The following EBF1 variants were observed in gnomAD, a reference collection of about 807,000 sequenced individuals.
EBF1 encodes the protein transcription factor COE1.
In EBF1, 10 loss-of-function variants were observed where a neutral mutation model predicts 68.4. That is an observed-to-expected ratio of 0.15 (90% confidence interval 0.09 to 0.25). The LOEUF is 0.25. Ranked by LOEUF, EBF1 falls within the 10% of genes least tolerant of loss-of-function variation. The pLI is 1.00. For missense variants in EBF1, 509 were observed against 794.4 expected (o/e 0.64, Z 4.32); for synonymous variants, 298 against 299.8 (o/e 0.99, Z 0.06).
intron 11 of EBF1, among the ~76,000 whole-genome samples, 186 bp downstream of exon 11, chr5:158,730,883 T>TGCC (rs1763956723): frequency 6.6e-6 from 1 of 152,224 alleles, no homozygotes; most frequent in African/African-American, 2.4e-5. Flanking sequence ...GATATAAAAG[T>TGCC]AAGCACAGTG....
At chr5:158,988,472 T>G (rs775718427) in intron 6 of EBF1, among the ~76,000 whole-genome samples, 2 of 152,126 alleles carry the variant, frequency 1.3e-5, no homozygotes, top group Non-Finnish European at 2.9e-5. Context: ...TCCCAACACC[T>G]CCTTATTCAA....
intron 6 of EBF1, among the ~76,000 whole-genome samples, chr5:159,070,193 G>C (rs982261027): frequency 1.2e-4 from 19 of 152,090 alleles, no homozygotes; most frequent in African/African-American, 4.6e-4. Flanking sequence ...GTGCAGGCTG[G>C]GTTATGTGCT....
chr5:158,773,470 T>C (rs993948779), intron 10 of EBF1, among the ~76,000 whole-genome samples: 1 of 152,144 alleles, frequency 6.6e-6, no homozygotes, highest in African/African-American at 2.4e-5. Context: ...ATCTGATAAG[T>C]GACCTAACCA....
At chr5:158,916,647 C>G (rs1160754241) in intron 6 of EBF1, among the ~76,000 whole-genome samples, 2 of 152,162 alleles carry the variant, frequency 1.3e-5, no homozygotes. Flanking sequence ...GAACCCAGGT[C>G]TCTCTATCTC....
chr5:158,898,936 A>G (rs1426175935), intron 6 of EBF1, among the ~76,000 whole-genome samples: 1 of 152,212 alleles, frequency 6.6e-6, no homozygotes, highest in African/African-American at 2.4e-5. Flanking sequence ...CAACCTGCTT[A>G]CAAAGAGCAG....
At chr5:159,023,129 A>G (rs1767036676) in intron 6 of EBF1, among the ~76,000 whole-genome samples, 1 of 152,122 alleles carries the variant, frequency 6.6e-6, no homozygotes, top group Non-Finnish European at 1.5e-5. Flanking sequence ...TCACTGCAGA[A>G]AACAGAACTC....
intron 6 of EBF1, among the ~76,000 whole-genome samples, chr5:159,059,127 C>A (rs1264482975): frequency 2.0e-5 from 3 of 152,262 alleles, no homozygotes; most frequent in South Asian, 2.1e-4. Flanking sequence ...CTGGCTAAAA[C>A]CATGTCTGGA....
At chr5:158,739,546 G>A (rs908655539) in intron 10 of EBF1, among the ~76,000 whole-genome samples, 7 of 151,778 alleles carry the variant, frequency 4.6e-5, no homozygotes, top group Admixed American at 1.3e-4. Context: ...TTTTAATTTG[G>A]ATCATTCACG....
At chr5:158,938,283 C>A (rs1033255650) in intron 6 of EBF1, among the ~76,000 whole-genome samples, 3 of 152,188 alleles carry the variant, frequency 2.0e-5, no homozygotes, top group Admixed American at 6.5e-5. Flanking sequence ...TGACATGAAC[C>A]CTAGTGCCTT....
intron 6 of EBF1, among the ~76,000 whole-genome samples, chr5:159,053,174 G>C (rs1382010397): frequency 2.0e-5 from 3 of 152,204 alleles, no homozygotes; most frequent in African/African-American, 7.2e-5. Context: ...TGGCATCCCA[G>C]CTCCACCACT....
intron 6 of EBF1, among the ~76,000 whole-genome samples, chr5:159,056,263 CAT>C (rs1461636185): frequency 6.6e-6 from 1 of 152,166 alleles, no homozygotes; most frequent in Admixed American, 6.5e-5. Context: ...TACATTCAGT[CAT>C]ATATTTCTGT....
chr5:158,751,620 G>A (rs1322240260), intron 10 of EBF1, among the ~76,000 whole-genome samples: 2 of 152,084 alleles, frequency 1.3e-5, no homozygotes, highest in Non-Finnish European at 2.9e-5. Context: ...TCTGGCAAAT[G>A]CTTAATCTAT....
At chr5:158,908,378 T>C (rs1392142873) in intron 6 of EBF1, among the ~76,000 whole-genome samples, 1 of 152,228 alleles carries the variant, frequency 6.6e-6, no homozygotes, top group East Asian at 1.9e-4. Flanking sequence ...TAACATGATA[T>C]CTTGGCTGAG....
intron 6 of EBF1, among the ~76,000 whole-genome samples, chr5:159,045,197 G>T (rs1183835906): frequency 6.6e-6 from 1 of 152,042 alleles, no homozygotes; most frequent in Non-Finnish European, 1.5e-5. Flanking sequence ...CAGATCATTT[G>T]TAATTTCTTC....
chr5:158,907,999 A>T (rs1805031786), intron 6 of EBF1, among the ~76,000 whole-genome samples: 1 of 152,188 alleles, frequency 6.6e-6, no homozygotes, highest in South Asian at 2.1e-4. Flanking sequence ...TCCAAAAAAA[A>T]TTAACCAAAT....
intron 6 of EBF1, among the ~76,000 whole-genome samples, chr5:158,955,217 G>A (rs1248125454): frequency 1.3e-5 from 2 of 152,048 alleles, no homozygotes; most frequent in African/African-American, 4.8e-5. Flanking sequence ...CAGCTACTTG[G>A]GAGTCTGAGG....
intron 7 of EBF1, among the ~76,000 whole-genome samples, chr5:158,830,952 C>G (rs1395187964): frequency 6.6e-6 from 1 of 152,166 alleles, no homozygotes; most frequent in Non-Finnish European, 1.5e-5. Flanking sequence ...AAGACAAGAA[C>G]AGACACTTCT....
chr5:158,819,576 T>A (rs2127837889), intron 8 of EBF1, among the ~76,000 whole-genome samples: 1 of 152,256 alleles, frequency 6.6e-6, no homozygotes, highest in Non-Finnish European at 1.5e-5. Context: ...CAGAACACAG[T>A]CTTCATGAAC....
chr5:159,073,473 C>A lies in EBF1; in HGVS notation c.486-9G>T. 1 of 1,613,972 alleles carries A rather than the reference C, an allele frequency of 6.2e-7. No individual in the cohort carries two copies. The highest frequency in any genetic ancestry group is 8.5e-7 in the Non-Finnish European group (1 of 1,179,906). ...TCTTGTCACAACAGCGGCTATGGAG[C>A]AAAAGCGAAAGGATTTAGTACAACC... On this transcript the variant is annotated splice_polypyrimidine_tract_variant and intron_variant, in intron 5 of 15. Transcript: ENST00000313708.
Sources: gnomAD v4.1 joint callset for allele counts (sites outside exome capture counted in the v4.1 genomes callset) on GRCh38, gnomAD v4.1.1 for gene constraint, MANE v1.5 for transcripts, NCBI Gene and HGNC (gene_info 2026-07-23, HGNC 2026-07-21) for gene names.